The following BNC2 variants were observed in gnomAD, a reference collection of about 807,000 sequenced individuals.
The protein encoded by BNC2 is zinc finger protein basonuclin-2.
In BNC2, 20 loss-of-function variants were observed where a neutral mutation model predicts 76.3. The ratio of observed to expected loss-of-function variants is 0.26; its 90% CI spans 0.18 to 0.38. BNC2 has a LOEUF of 0.38. BNC2 is among the 10% of genes least tolerant of loss of function. The probability of loss-of-function intolerance (pLI) is 1.00; values close to 1 mark genes in which losing one functional copy is unlikely to be tolerated. For missense variants in BNC2, 1,382 were observed against 1,399.8 expected (o/e 0.99, Z 0.20); for synonymous variants, 582 against 514.8 (o/e 1.13, Z -1.77).
chr9:16,544,454 A>C (rs143430439), intron 5 of BNC2, among the ~76,000 whole-genome samples: 6 of 152,310 alleles, frequency 3.9e-5, no homozygotes, highest in Admixed American at 2.6e-4. Flanking sequence ...CAGAGCTTGG[A>C]AAGTATTGGA....
chr9:16,426,364 T>C (rs187303251), intron 6 of BNC2, among the ~76,000 whole-genome samples: 3 of 149,994 alleles, frequency 2.0e-5, no homozygotes, highest in African/African-American at 7.4e-5. Flanking sequence ...GGGTTTTTGC[T>C]ATGTTGGCCA....
intron 3 of BNC2, among the ~76,000 whole-genome samples, chr9:16,599,550 G>A (rs185194919): frequency 8.5e-5 from 13 of 152,280 alleles, no homozygotes; most frequent in Admixed American, 2.6e-4. Context: ...TTGGGAGGCC[G>A]AGGTAGGTGG....
chr9:16,644,896 C>G (rs552481388), intron 3 of BNC2, among the ~76,000 whole-genome samples: 1 of 152,100 alleles, frequency 6.6e-6, no homozygotes, highest in Non-Finnish European at 1.5e-5. Flanking sequence ...TCTTTCAATT[C>G]AAAGTTTGAA....
intron 5 of BNC2, among the ~76,000 whole-genome samples, chr9:16,519,904 T>C (rs1032708077): frequency 1.3e-5 from 2 of 152,212 alleles, no homozygotes; most frequent in African/African-American, 4.8e-5. Flanking sequence ...GGAGGACAGA[T>C]GACCATACCC....
chr9:16,575,977 C>T (rs577626851), intron 4 of BNC2, among the ~76,000 whole-genome samples: 5 of 152,198 alleles, frequency 3.3e-5, no homozygotes, highest in Non-Finnish European at 2.9e-5. Context: ...TTTTTCCAAA[C>T]GAGTGCACCA....
intron 5 of BNC2, among the ~76,000 whole-genome samples, chr9:16,448,457 T>G (rs771616036): frequency 2.0e-5 from 3 of 152,172 alleles, no homozygotes; most frequent in Non-Finnish European, 4.4e-5. Context: ...CAATCAAGAT[T>G]ACTGATATTG....
rs1820662631 is a variant in BNC2 at position 16,419,434 on chromosome 9, C to T, written c.2855G>A (p.Gly952Asp). 2.5e-6 allele frequency: 4 copies of T among 1,608,844 alleles called. No homozygotes were observed. The highest frequency in any genetic ancestry group is 3.4e-6 in the Non-Finnish European group (4 of 1,177,244). The change falls in exon 7 of 7, where the codon GGC becomes GAC. Residue 952 changes from glycine to aspartate, a missense_variant. Physicochemically the swap from Gly to Asp is moderately conservative, Grantham distance 94. Around this residue, in one of 3 missense-constraint regions of BNC2, gnomAD observed 798 missense variants for 775.5 expected, o/e 1.03. Transcript: ENST00000380672. ...AAGGACCATGTAGTCCTCTGCCATG[C>T]CTCTCCCATACCCGTTCAGGTGGGA... ...EDSHLNGYGR[G>D]MAEDYMVLDL...
At chr9:16,571,986 C>G (rs528264157) in intron 4 of BNC2, among the ~76,000 whole-genome samples, 1 of 152,176 alleles carries the variant, frequency 6.6e-6, no homozygotes, top group South Asian at 2.1e-4. Context: ...CCAAGTTCTC[C>G]AAGCCAAACA....
chr9:16,572,046 T>C (rs1351469616), intron 4 of BNC2, among the ~76,000 whole-genome samples: 2 of 152,248 alleles, frequency 1.3e-5, no homozygotes, highest in South Asian at 2.1e-4. Context: ...TTTTTACTGA[T>C]AGTGGAAAAC....
chr9:16,589,475 T>G (rs1207489241), intron 3 of BNC2, among the ~76,000 whole-genome samples: 1 of 149,948 alleles, frequency 6.7e-6, no homozygotes, highest in East Asian at 2.0e-4. Context: ...TGTGAGTCAT[T>G]GCACCTGGCC....
At chr9:16,751,642 GTA>G (rs374195030) in intron 1 of BNC2, among the ~76,000 whole-genome samples, 1 of 4,322 alleles carries the variant, frequency 2.3e-4, no homozygotes, top group African/African-American at 3.4e-4. Flanking sequence ...ATGTATATAT[GTA>G]TGTGTGTATA....
intron 5 of BNC2, among the ~76,000 whole-genome samples, chr9:16,482,589 C>A (rs1242065801): frequency 6.6e-6 from 1 of 152,208 alleles, no homozygotes; most frequent in Non-Finnish European, 1.5e-5. Context: ...TTTCTACATA[C>A]TCATAGAAGG....
At chr9:16,748,762 G>A (rs1405198681) in intron 1 of BNC2, among the ~76,000 whole-genome samples, 1 of 144,130 alleles carries the variant, frequency 6.9e-6, no homozygotes, top group Non-Finnish European at 1.5e-5. Flanking sequence ...AGAATTGCTA[G>A]GACCCAGGAG....
chr9:16,651,402 A>G (rs1821791334), intron 3 of BNC2, among the ~76,000 whole-genome samples: 1 of 152,222 alleles, frequency 6.6e-6, no homozygotes, highest in Non-Finnish European at 1.5e-5. Context: ...GACAGATTCT[A>G]AATGCATCTT....
At chr9:16,817,831 A>C (rs1186698061) in intron 1 of BNC2, among the ~76,000 whole-genome samples, 1 of 152,172 alleles carries the variant, frequency 6.6e-6, no homozygotes, top group African/African-American at 2.4e-5. Flanking sequence ...TATTTTCTTT[A>C]ATGTCTGCCG....
At chr9:16,585,199 T>A (rs1292186341) in intron 3 of BNC2, among the ~76,000 whole-genome samples, 2 of 152,296 alleles carry the variant, frequency 1.3e-5, no homozygotes, top group East Asian at 3.9e-4. Context: ...TAACAGACTG[T>A]GGATTTGATT....
intron 3 of BNC2, among the ~76,000 whole-genome samples, chr9:16,671,081 G>A (rs1346934916): frequency 1.3e-5 from 2 of 152,034 alleles, no homozygotes; most frequent in African/African-American, 4.8e-5. Flanking sequence ...TATTTCCTCA[G>A]AAGGCCTCAG....
intron 6 of BNC2, among the ~76,000 whole-genome samples, chr9:16,422,072 C>A (rs1587008712): frequency 6.6e-6 from 1 of 152,318 alleles, no homozygotes. Flanking sequence ...AAAGGACACA[C>A]TGATCACCCA....
At chr9:16,650,083 A>G (rs1821749872) in intron 3 of BNC2, among the ~76,000 whole-genome samples, 1 of 152,222 alleles carries the variant, frequency 6.6e-6, no homozygotes, top group African/African-American at 2.4e-5. Context: ...AGACCAAGAA[A>G]GCAAAAATGG....
Sources: allele counts gnomAD v4.1 joint callset (sites outside exome capture counted in the v4.1 genomes callset), GRCh38; gene constraint gnomAD v4.1.1; regional missense constraint gnomAD v4.1.1; transcripts MANE v1.5; gene names NCBI Gene and HGNC (gene_info 2026-07-23, HGNC 2026-07-21).